Variants in PPOX observed in about 807,000 individuals in gnomAD.
PPOX encodes the protein variegate porphyria.
In PPOX, 23 loss-of-function variants were observed where a neutral mutation model predicts 54.1. The ratio of observed to expected loss-of-function variants is 0.43; its 90% CI spans 0.31 to 0.60. PPOX has a LOEUF of 0.60. PPOX is among the 20% of genes least tolerant of loss of function. PPOX has a pLI of 0.13. For missense variants in PPOX, 512 were observed against 601.1 expected (o/e 0.85, Z 1.55); for synonymous variants, 224 against 236.1 (o/e 0.95, Z 0.47).
intron 9 of PPOX, 88 bp downstream of exon 9, chr1:161,170,112 G>A: frequency 6.7e-7 from 1 of 1,487,640 alleles, no homozygotes. Context: ...AGATAACAAG[G>A]TCAGGAGTTC....
At chr1:161,172,263 T>G, downstream of PPOX, 6 of 1,614,114 alleles carry the variant, frequency 3.7e-6, no homozygotes, top group Non-Finnish European at 5.1e-6. Context: ...ATCTCCTCGG[T>G]GCTTCACCAT....
Position 161,167,193 on chromosome 1 carries a change from A to G in PPOX, c.181A>G (p.Ile61Val). The G allele has an allele frequency of 6.2e-7, 1 of 1,614,144 alleles. No homozygotes were observed. The highest frequency in any genetic ancestry group is 8.5e-7 in the Non-Finnish European group (1 of 1,180,022). The change falls in exon 3 of 13, where the codon ATT (isoleucine) becomes GTT (valine). Residue 61 changes from isoleucine (I) to valine (V), a missense_variant. Ile to Val is a conservative substitution (Grantham distance 29). Coordinates refer to ENST00000367999, the MANE Select transcript of PPOX (RefSeq NM_001122764.3). ...TATCTTTGAGCTTGGACCTCGGGGA[A>G]TTAGGCCAGCGGGAGCCCTAGGGGC... is the stretch of plus-strand genomic sequence containing the variant. Reference protein sequence around the residue: ...GAIFELGPRGIRPAGALGART... With the variant: ...GAIFELGPRGVRPAGALGART...
In PPOX at chr1:161,167,470, C is replaced by G. The variant is rs144335388; in HGVS notation, c.322C>G (p.Leu108Val). Residue 108 changes from leucine (L) to valine (V), a missense_variant, in exon 4 of 13, where the codon CTA becomes GTA. Physicochemically the swap from Leu to Val is conservative, Grantham distance 32. Transcript: ENST00000367999. ...FLYVGGALHA[L>V]PTGLRGLLRP... ...CTACGTGGGCGGTGCCCTGCATGCC[C>G]TACCCACTGGCCTCAGGTAACACCA... 6.0e-5 allele frequency: 97 copies of G among 1,612,362 alleles called. No individual in the cohort carries two copies. Among genetic ancestry groups the G allele is most frequent in the Admixed American group, 2.5e-4 (15 of 59,942 alleles).
At chr1:161,167,264 G>C (rs377253240) in intron 3 of PPOX, 30 bp downstream of exon 3, 1 of 1,614,182 alleles carries the variant, frequency 6.2e-7, no homozygotes, top group Non-Finnish European at 8.5e-7. Context: ...TCTAGGAGAG[G>C]TTGTGGAGGG....
downstream of PPOX, chr1:161,172,424 T>C: frequency 8.9e-7 from 1 of 1,121,126 alleles, no homozygotes; most frequent in Non-Finnish European, 1.3e-6. Flanking sequence ...AAACAACTAT[T>C]ACTTAGTAGG....
In PPOX at chr1:161,168,986, T is replaced by A; in HGVS notation, c.617-7T>A. The A allele has an allele frequency of 1.9e-6, 3 of 1,613,688 alleles. No homozygotes were observed. The highest frequency in any genetic ancestry group is 2.5e-6 in the Non-Finnish European group (3 of 1,180,020). On this transcript the variant is annotated splice_polypyrimidine_tract_variant and splice_region_variant and intron_variant, in intron 6 of 12. Coordinates refer to ENST00000367999, the MANE Select transcript of PPOX (RefSeq NM_001122764.3). ...GCCTCAATGATTCTTCTTTGCTTCC[T>A]CTGCAGGGCGGACCCCACAGCCAGA...
downstream of PPOX, chr1:161,172,481 A>G: frequency 1.5e-6 from 1 of 668,194 alleles, no homozygotes. Context: ...GAAAGAAGGA[A>G]ATGGCTGAAG....
At chr1:161,171,381 C>G (rs895875128), downstream of PPOX, 1 of 891,190 alleles carries the variant, frequency 1.1e-6, no homozygotes, top group Admixed American at 2.4e-5. Context: ...GAAGAGGGAG[C>G]TATTCCAGCA....
chr1:161,170,053 A>T (rs762880983), intron 9 of PPOX, 29 bp downstream of exon 9: 5 of 1,596,130 alleles, frequency 3.1e-6, no homozygotes, highest in Non-Finnish European at 4.3e-6. Flanking sequence ...GAGGCTGGGC[A>T]TGGTGGCTCA....
rs776777657 is a variant in PPOX, at chr1:161,169,931, G to T, written c.894G>T (p.Glu298Asp). 6.2e-7 allele frequency: 1 copy of T among 1,614,176 alleles called. No individual in the cohort carries two copies. Among genetic ancestry groups the T allele is most frequent in the South Asian group, 1.1e-5 (1 of 91,082 alleles). Residue 298 changes from glutamate (E) to aspartate (D), a missense_variant, in exon 9 of 13, where the codon GAG becomes GAT. Glu to Asp is a conservative substitution (Grantham distance 45, BLOSUM62 2). Coordinates refer to ENST00000367999, the MANE Select transcript of PPOX (RefSeq NM_001122764.3). ...TGCTCAGTGAGCTGCTCCCTGCTGA[G>T]GCTGCCCCTCTGGCTCGTGCCCTGA... ...ASVLSELLPA[E>D]AAPLARALSA... is the part of the protein sequence containing the mutation.
At chr1:161,168,723 T>C in intron 6 of PPOX, 147 bp downstream of exon 6, 1 of 1,169,124 alleles carries the variant, frequency 8.6e-7, no homozygotes, top group Non-Finnish European at 1.2e-6. Flanking sequence ...AGTGGTGCAA[T>C]CTCAGATCGG....
chr1:161,167,539 C>G (rs1659442657), intron 4 of PPOX, 53 bp downstream of exon 4: 1 of 1,303,328 alleles, frequency 7.7e-7, no homozygotes, highest in Non-Finnish European at 1.1e-6. Context: ...CATATGCCTT[C>G]CATTTCTTTC....
chr1:161,173,008 T>C (rs1435782356), downstream of PPOX, among the ~76,000 whole-genome samples: 4 of 152,164 alleles, frequency 2.6e-5, no homozygotes, highest in Admixed American at 6.5e-5. Context: ...AGAATACTTA[T>C]GTATATTTAC....
At chr1:161,173,716 G>C, downstream of PPOX, 1 of 1,614,138 alleles carries the variant, frequency 6.2e-7, no homozygotes, top group South Asian at 1.1e-5. Flanking sequence ...GAAGTACTGG[G>C]GGTACGGGAG....
intron 4 of PPOX, chr1:161,176,783 C>A: frequency 7.1e-7 from 1 of 1,400,908 alleles, no homozygotes; most frequent in Non-Finnish European, 9.7e-7. Context: ...CCCCGTACCC[C>A]CACCCCAACA....
At chr1:161,166,212 C>A (rs962569951), upstream of PPOX, 5 of 970,626 alleles carry the variant, frequency 5.2e-6, no homozygotes, top group Admixed American at 1.2e-4. Flanking sequence ...CAGCATTAAG[C>A]GCTCGCCGCC....
downstream of PPOX, chr1:161,175,131 T>G (rs749806132): frequency 1.2e-6 from 2 of 1,614,026 alleles, no homozygotes; most frequent in South Asian, 2.2e-5. Flanking sequence ...GCTCACAACC[T>G]GCAGGGCGGT....
At position 161,169,812 on chromosome 1, in the gene PPOX, C is replaced by T. The variant is rs535479689; in HGVS notation, c.868+92C>T. The T allele has an allele frequency of 4.9e-5, 79 of 1,613,920 alleles. No individual in the cohort carries two copies. The South Asian group carries it at 8.0e-4, about 16-fold the overall frequency. On this transcript the variant is annotated intron_variant, in intron 8 of 12. Coordinates refer to ENST00000367999, the MANE Select transcript of PPOX (RefSeq NM_001122764.3). ...GGGTCAGCAGGACCACACCATGCCC[C>T]TGAACTGGTCATCTCTATGGGAGTC...
chr1:161,175,057 A>T, downstream of PPOX: 4 of 1,614,078 alleles, frequency 2.5e-6, no homozygotes, highest in Non-Finnish European at 3.4e-6. Flanking sequence ...CAGGTGGTAG[A>T]GCAGCAGGCG....
Sources: allele counts gnomAD v4.1 joint callset (sites outside exome capture counted in the v4.1 genomes callset), GRCh38; gene constraint gnomAD v4.1.1; transcripts MANE v1.5; gene names NCBI Gene and HGNC (gene_info 2026-07-23, HGNC 2026-07-21).